The following JAKMIP1 variants were observed in gnomAD, a reference collection of about 807,000 sequenced individuals.
The protein encoded by JAKMIP1 is janus kinase and microtubule-interacting protein 1.
In JAKMIP1, 33 loss-of-function variants were observed where a neutral mutation model predicts 113.0. The ratio of observed to expected loss-of-function variants is 0.29; its 90% CI spans 0.22 to 0.39. JAKMIP1 has a LOEUF of 0.39. Ranked by LOEUF, JAKMIP1 falls within the 10% of genes least tolerant of loss-of-function variation. The pLI, the probability that JAKMIP1 is intolerant of heterozygous loss-of-function variation, is 1.00. For synonymous variants in JAKMIP1, 480 were observed against 459.9 expected (o/e 1.04, Z -0.56); for missense variants, 813 against 1,080.5 (o/e 0.75, Z 3.47).
intron 1 of JAKMIP1, among the ~76,000 whole-genome samples, chr4:6,124,222 A>G (rs1717104248): frequency 6.6e-6 from 1 of 152,182 alleles, no homozygotes; most frequent in Non-Finnish European, 1.5e-5. Flanking sequence ...ACCATTGCTA[A>G]TCCCAGAGAG....
Position 6,167,911 on chromosome 4 carries a change from C to T in JAKMIP1, c.-148+32342G>A, listed in dbSNP as rs1578441754. The stretch of plus-strand genomic sequence containing the variant: ...ACCAGTCAGGCTGACTGCGCCAGAT[C>T]GCTGCACCAGTGAGACTTTGTCTCC... On this transcript the variant is annotated intron_variant, in intron 1 of 20. Coordinates refer to ENST00000409021, the MANE Select transcript of JAKMIP1 (RefSeq NM_001099433.2). The surrounding 1 kb of genome is among the most constrained non-coding windows in gnomAD (Gnocchi z 5.3). 1.3e-5 allele frequency among the ~76,000 whole-genome samples: 2 copies of T among 152,200 alleles called. No individual in the cohort carries two copies. Among genetic ancestry groups the T allele is most frequent in the African/African-American group, 2.4e-5 (1 of 41,436 alleles).
chr4:6,161,476 C>T (rs980372688), intron 1 of JAKMIP1, among the ~76,000 whole-genome samples: 26 of 152,036 alleles, frequency 1.7e-4, no homozygotes, highest in African/African-American at 4.8e-4. Flanking sequence ...CCCGCCTGAA[C>T]GGGGAGGTCC....
At chr4:6,046,745 G>A (rs530993447) in intron 16 of JAKMIP1, among the ~76,000 whole-genome samples, 121 of 152,324 alleles carry the variant, frequency 7.9e-4, no homozygotes, top group African/African-American at 2.3e-3. Flanking sequence ...GATGAGGAGC[G>A]CTGGGGACCT....
chr4:6,192,919 G>T lies in JAKMIP1; in HGVS notation c.-148+7334C>A, dbSNP rs1727428681. 6.6e-6 allele frequency among the ~76,000 whole-genome samples: 1 copy of T among 152,200 alleles called. No homozygotes were observed. Among genetic ancestry groups the T allele is most frequent in the Non-Finnish European group, 1.5e-5 (1 of 68,042 alleles). On this transcript the variant is annotated intron_variant, in intron 1 of 20. Transcript: ENST00000409021. This position sits in a 1 kb window ranked among gnomAD's most constrained non-coding sequence, Gnocchi z 5.0. ...GATGGTTAATATTGAGTGTCAACTT[G>T]ATTGGTGAAGGATGCAAAGTATTGT...
chr4:6,091,126 A>T (rs1383637520), intron 3 of JAKMIP1, among the ~76,000 whole-genome samples: 7 of 152,240 alleles, frequency 4.6e-5, no homozygotes, highest in Admixed American at 3.9e-4. Context: ...GGTTTGCTTA[A>T]GGAGTGACAT....
At chr4:6,174,290 A>C (rs13102056) in intron 1 of JAKMIP1, among the ~76,000 whole-genome samples, 1 of 151,960 alleles carries the variant, frequency 6.6e-6, no homozygotes, top group Non-Finnish European at 1.5e-5. Context: ...TGAACCACAG[A>C]CTCCAAAAGT....
At position 6,106,820 on chromosome 4, in the gene JAKMIP1, G is replaced by C. The variant is rs1714045138; in HGVS notation, c.130-853C>G. ...CACATTCCACAGGAACGCCTGACAA[G>C]CCCTTATTTCCTGAATTCTGCCCGT... is the stretch of plus-strand genomic sequence containing the variant. On this transcript the variant is annotated intron_variant, in intron 2 of 20. Transcript: ENST00000409021. The surrounding 1 kb of genome is among the most constrained non-coding windows in gnomAD (Gnocchi z 5.9). 6.6e-6 allele frequency among the ~76,000 whole-genome samples: 1 copy of C among 152,080 alleles called. No individual in the cohort carries two copies. The highest frequency in any genetic ancestry group is 1.5e-5 in the Non-Finnish European group (1 of 68,024).
At chr4:6,098,578 GAA>G (rs1712291493) in intron 3 of JAKMIP1, among the ~76,000 whole-genome samples, 2 of 128,258 alleles carry the variant, frequency 1.6e-5, no homozygotes, top group African/African-American at 5.8e-5. Context: ...AAGAAAGAAA[GAA>G]AGAAGGAAAG....
rs1018203427 is a variant in JAKMIP1, at chr4:6,153,201, T to A, written c.-147-40204A>T. Among the ~76,000 whole-genome samples, 5 of 152,134 alleles carry A rather than the reference T, an allele frequency of 3.3e-5. No individual in the cohort carries two copies. The highest frequency in any genetic ancestry group is 1.2e-4 in the African/African-American group (5 of 41,430). On this transcript the variant is annotated intron_variant, in intron 1 of 20. Transcript: ENST00000409021. The surrounding 1 kb of genome is among the most constrained non-coding windows in gnomAD (Gnocchi z 4.9). Reference sequence around the variant, plus strand: ...ATCCAGCTCACCAGAGGCCAACACCTGCTCACCATTCGACAGCACCCTGAT... The same window carrying A: ...ATCCAGCTCACCAGAGGCCAACACCAGCTCACCATTCGACAGCACCCTGAT...
Position 6,187,480 on chromosome 4 carries a change from G to T in JAKMIP1, c.-148+12773C>A, listed in dbSNP as rs71599880. Among the ~76,000 whole-genome samples the T allele has an allele frequency of 0.17, 25,671 of 152,262 alleles. 2,478 individuals are homozygous for T. Among genetic ancestry groups the T allele is most frequent in the South Asian group, 0.27 (1,324 of 4,822 alleles). On this transcript the variant is annotated intron_variant, in intron 1 of 20. Coordinates refer to ENST00000409021, the MANE Select transcript of JAKMIP1 (RefSeq NM_001099433.2). This position sits in a 1 kb window ranked among gnomAD's most constrained non-coding sequence, Gnocchi z 4.2. ...GTCACCAGTATGATAGCATTAGAAGGTGAGGCGTTTGGCAAGTGATTAGGT... is the reference window on the plus strand; with the variant it reads ...GTCACCAGTATGATAGCATTAGAAGTTGAGGCGTTTGGCAAGTGATTAGGT...
At chr4:6,146,614 CTG>C (rs1720885227) in intron 1 of JAKMIP1, among the ~76,000 whole-genome samples, 1 of 152,098 alleles carries the variant, frequency 6.6e-6, no homozygotes, top group African/African-American at 2.4e-5. Flanking sequence ...TGATAATAGA[CTG>C]TGGTGATGGT....
chr4:6,068,883 A>G (rs1373642998), intron 8 of JAKMIP1, among the ~76,000 whole-genome samples: 5 of 152,094 alleles, frequency 3.3e-5, no homozygotes, highest in Non-Finnish European at 4.4e-5. Context: ...ACATTTTTTT[A>G]TAACATTTTA....
intron 1 of JAKMIP1, among the ~76,000 whole-genome samples, chr4:6,124,493 C>T (rs1230040507): frequency 6.6e-6 from 1 of 152,232 alleles, no homozygotes. Flanking sequence ...GTGTCCCCTA[C>T]TGCCACCACC....
rs1182604452 is a variant in JAKMIP1, at chr4:6,199,228, G to A, written c.-148+1025C>T. On this transcript the variant is annotated intron_variant, in intron 1 of 20. Transcript: ENST00000409021. This position sits in a 1 kb window ranked among gnomAD's most constrained non-coding sequence, Gnocchi z 5.6. ...CTGGCGGTTAGATACAGTATCGCTG[G>A]AGCTCAGAGAGCCGGGCAGAGGCTG... is the stretch of plus-strand genomic sequence containing the variant. Among the ~76,000 whole-genome samples the A allele has an allele frequency of 6.6e-6, 1 of 152,262 alleles. No homozygotes were observed. Among genetic ancestry groups the A allele is most frequent in the East Asian group, 1.9e-4 (1 of 5,192 alleles).
At chr4:6,082,845 G>A (rs1318341160) in intron 5 of JAKMIP1, among the ~76,000 whole-genome samples, 2 of 152,228 alleles carry the variant, frequency 1.3e-5, no homozygotes, top group East Asian at 3.9e-4. Flanking sequence ...TGGGAAGAGA[G>A]GTGAACAGAC....
At position 6,139,083 on chromosome 4, in the gene JAKMIP1, CAT is replaced by C. The variant is rs768087157; in HGVS notation, c.-147-26088_-147-26087del. ...ACACACACACACACACACACACACACATATACACACACACACACACACCAGCA... is the reference window on the plus strand; with the variant it reads ...ACACACACACACACACACACACACACATACACACACACACACACACCAGCA... On this transcript the variant is annotated intron_variant, in intron 1 of 20. Transcript: ENST00000409021. This position sits in a 1 kb window ranked among gnomAD's most constrained non-coding sequence, Gnocchi z 5.2. 3.1e-3 allele frequency among the ~76,000 whole-genome samples: 96 copies of C among 31,246 alleles called. No individual in the cohort carries two copies. Among genetic ancestry groups the C allele is most frequent in the Middle Eastern group, 0.022 (1 of 46 alleles). The allele number at this position is 31,246 out of a possible 152,430, so 20.5% of individuals were successfully genotyped here.
Position 6,199,982 on chromosome 4 carries a change from G to T in JAKMIP1, c.-148+271C>A, listed in dbSNP as rs1160621740. Among the ~76,000 whole-genome samples, 1 of 144,232 alleles carries T rather than the reference G, an allele frequency of 6.9e-6. No individual in the cohort carries two copies. The highest frequency in any genetic ancestry group is 2.5e-5 in the African/African-American group (1 of 39,846). 94.6% of individuals were successfully genotyped at this position (144,232 alleles called of 152,430 possible). On this transcript the variant is annotated intron_variant, in intron 1 of 20. Coordinates refer to ENST00000409021, the MANE Select transcript of JAKMIP1 (RefSeq NM_001099433.2). This position sits in a 1 kb window ranked among gnomAD's most constrained non-coding sequence, Gnocchi z 5.6. ...GCGGGACCGGGAGGGGGTGTTGGGG[G>T]AAGCGACGCAGCGGCTGGGAGATTT...
Position 6,049,077 on chromosome 4 carries a change from G to C in JAKMIP1, c.1963-155C>G, listed in dbSNP as rs569557333. Among the ~76,000 whole-genome samples, 56 of 152,202 alleles carry C rather than the reference G, an allele frequency of 3.7e-4. 1 individual carries two copies. The South Asian group carries it at 0.011, about 30-fold the overall frequency. On this transcript the variant is annotated intron_variant, in intron 15 of 20. Transcript: ENST00000409021. This position sits in a 1 kb window ranked among gnomAD's most constrained non-coding sequence, Gnocchi z 7.0. ...GAGTCTCTCTCTGTCACCTGGGTTT[G>C]AGTGCAGTGGTGTGATCTCGGCTCA... is the stretch of plus-strand genomic sequence containing the variant.
At chr4:6,175,733 G>A (rs750043679) in intron 1 of JAKMIP1, among the ~76,000 whole-genome samples, 3 of 152,252 alleles carry the variant, frequency 2.0e-5, no homozygotes, top group African/African-American at 4.8e-5. Flanking sequence ...CTGCCAATCC[G>A]TGGCTCTCTC....
Sources: gnomAD v4.1 joint callset for allele counts (sites outside exome capture counted in the v4.1 genomes callset) on GRCh38, gnomAD v4.1.1 for gene constraint, Gnocchi (gnomAD v3.1) non-coding constraint, MANE v1.5 for transcripts, NCBI Gene and HGNC (gene_info 2026-07-23, HGNC 2026-07-21) for gene names.